CALN1: variants seen among roughly 807,000 people sequenced by gnomAD.
CALN1 encodes the protein calcium-binding protein 8.
In CALN1, 17 loss-of-function variants were observed where a neutral mutation model predicts 30.6. The ratio of observed to expected loss-of-function variants is 0.56; its 90% CI spans 0.38 to 0.83. The LOEUF (loss-of-function observed/expected upper bound fraction) is 0.83, where lower values mean the gene tolerates loss of function less well. CALN1 is among the 40% of genes least tolerant of loss of function. The probability of loss-of-function intolerance (pLI) is 0.00; values close to 1 mark genes in which losing one functional copy is unlikely to be tolerated. For missense variants in CALN1, 291 were observed against 354.9 expected (o/e 0.82, Z 1.45); for synonymous variants, 156 against 131.4 (o/e 1.19, Z -1.28).
At chr7:72,079,276 A>G (rs569410991) in intron 4 of CALN1, among the ~76,000 whole-genome samples, 1 of 152,316 alleles carries the variant, frequency 6.6e-6, no homozygotes, top group South Asian at 2.1e-4. Flanking sequence ...AAATGAGAAC[A>G]ATAAAAGAAC....
chr7:72,416,521 T>G (rs377190282), upstream of CALN1, among the ~76,000 whole-genome samples: 1 of 152,074 alleles, frequency 6.6e-6, no homozygotes. Context: ...ATCCACCTAA[T>G]GTCAGGTGTT....
the CALN1 span, among the ~76,000 whole-genome samples, chr7:72,493,830 C>T: frequency 3.2e-4 from 49 of 152,338 alleles, no homozygotes; most frequent in African/African-American, 1.1e-3. Context: ...TCTGTATCAA[C>T]AGCCACTAAA....
In CALN1 at chr7:72,397,710, T is replaced by TCACACACACACA. The variant is rs1286894513; in HGVS notation, c.119+5540_119+5541insTGTGTGTGTGTG. Among the ~76,000 whole-genome samples the TCACACACACACA allele has an allele frequency of 2.5e-3, 141 of 57,324 alleles. 1 individual carries two copies. Among genetic ancestry groups the TCACACACACACA allele is most frequent in the African/African-American group, 5.2e-3 (67 of 12,982 alleles). The allele number at this position is 57,324 out of a possible 152,430, so 37.6% of individuals were successfully genotyped here. A position where few individuals can be genotyped will look rare whatever the true frequency, so the allele number is the denominator to read the frequency against. ...GGGGGATCTTGGAGAGCACCCATTCTCTCTCACACACACACACACACACAC... is the reference window on the plus strand; with the variant it reads ...GGGGGATCTTGGAGAGCACCCATTCTCACACACACACACTCTCACACACACACACACACACAC... On this transcript the variant is annotated intron_variant, in intron 2 of 6. Coordinates refer to ENST00000395275, the MANE Select transcript of CALN1 (RefSeq NM_031468.4).
chr7:72,305,475 G>C (rs575278030), intron 2 of CALN1, among the ~76,000 whole-genome samples: 6 of 152,290 alleles, frequency 3.9e-5, no homozygotes, highest in Non-Finnish European at 7.4e-5. Flanking sequence ...CCCACGTAAA[G>C]TGGTCCTGCT....
intron 5 of CALN1, among the ~76,000 whole-genome samples, chr7:71,948,560 G>T (rs543936099): frequency 6.6e-6 from 1 of 151,818 alleles, no homozygotes; most frequent in Non-Finnish European, 1.5e-5. Flanking sequence ...TGAGATCCCC[G>T]TCTCTACTAA....
In CALN1 at chr7:71,787,698, T is replaced by G. The variant is rs2115828834; in HGVS notation, c.*77A>C. ...CCATAGTCCATAGGTCCGTGTCTGC[T>G]GTGTGGAGGAAGAGTCTGCCCGCAC... On this transcript the variant is annotated 3_prime_UTR_variant, in exon 7 of 7. Transcript: ENST00000395275. 2.5e-6 allele frequency: 4 copies of G among 1,578,152 alleles called. No homozygotes were observed. The highest frequency in any genetic ancestry group is 2.2e-4 in the Middle Eastern group (1 of 4,590).
At chr7:72,426,294 T>C (rs1271644665) in intron 1 of CALN1, among the ~76,000 whole-genome samples, 1 of 152,192 alleles carries the variant, frequency 6.6e-6, no homozygotes, top group Non-Finnish European at 1.5e-5. Flanking sequence ...CCAAATCTCA[T>C]CTTGAATTTT....
the CALN1 span, among the ~76,000 whole-genome samples, chr7:72,455,319 ATATGTGTG>A: frequency 4.5e-3 from 596 of 132,430 alleles, 4 homozygotes; most frequent in African/African-American, 0.017. Context: ...ATATATATAT[ATATGTGTG>A]TGTGTGTGTG....
chr7:72,064,691 C>G (rs1292191603), intron 4 of CALN1, among the ~76,000 whole-genome samples: 1 of 152,162 alleles, frequency 6.6e-6, no homozygotes, highest in African/African-American at 2.4e-5. Flanking sequence ...AGACTCCTAG[C>G]CTTCCAGATT....
intron 2 of CALN1, among the ~76,000 whole-genome samples, chr7:72,380,667 G>GTGGATGGA (rs142371252): frequency 1.7e-3 from 258 of 151,910 alleles, no homozygotes; most frequent in Non-Finnish European, 3.0e-3. Flanking sequence ...CAGTGGGTTG[G>GTGGATGGA]TGGATGGATG....
chr7:71,907,290 T>C (rs1291393101), intron 5 of CALN1, among the ~76,000 whole-genome samples: 1 of 149,254 alleles, frequency 6.7e-6, no homozygotes, highest in Non-Finnish European at 1.5e-5. Flanking sequence ...GCTTGATGTG[T>C]TCCATCGCAA....
chr7:71,836,867 C>T (rs1397022737), intron 5 of CALN1, among the ~76,000 whole-genome samples: 2 of 151,422 alleles, frequency 1.3e-5, no homozygotes, highest in African/African-American at 4.8e-5. Context: ...ATCTGCCCAC[C>T]TCGGCCTCCC....
intron 4 of CALN1, among the ~76,000 whole-genome samples, chr7:72,044,640 G>A (rs1802354784): frequency 1.7e-5 from 2 of 118,046 alleles, no homozygotes. Flanking sequence ...GAGGCAGAGT[G>A]TTGCTCTGTC....
At chr7:72,471,625 C>T in the CALN1 span, among the ~76,000 whole-genome samples, 7,692 of 152,318 alleles carry the variant, frequency 0.05, 237 homozygotes, top group African/African-American at 0.068. Context: ...GCCTCAATCA[C>T]ATGCCTGCCT....
intron 3 of CALN1, among the ~76,000 whole-genome samples, chr7:72,205,565 T>TACAC (rs1791794653): frequency 1.0e-4 from 12 of 116,734 alleles, no homozygotes; most frequent in African/African-American, 4.2e-4. Context: ...TATATATATA[T>TACAC]ATGTATATAT....
intron 1 of CALN1, among the ~76,000 whole-genome samples, chr7:72,433,152 G>A (rs1264513882): frequency 1.3e-5 from 2 of 152,106 alleles, no homozygotes; most frequent in Admixed American, 6.6e-5. Context: ...ACTACAAGGG[G>A]GAAAGGAACC....
intron 2 of CALN1, chr7:72,337,344 G>A (rs117153751): frequency 0.013 from 12,046 of 959,132 alleles, 88 homozygotes; most frequent in African/African-American, 0.026. Flanking sequence ...CCCAACCTCC[G>A]CCTCTCCAAT....
intron 4 of CALN1, among the ~76,000 whole-genome samples, chr7:72,048,546 A>G (rs1453210352): frequency 6.6e-6 from 1 of 152,174 alleles, no homozygotes; most frequent in Non-Finnish European, 1.5e-5. Context: ...TTACTTATAC[A>G]CTTAGACTTC....
intron 2 of CALN1, among the ~76,000 whole-genome samples, chr7:72,312,026 A>G (rs1360734561): frequency 6.6e-6 from 1 of 152,126 alleles, no homozygotes; most frequent in Non-Finnish European, 1.5e-5. Flanking sequence ...AGTAAGATCC[A>G]TGTCCCCAAA....
Sources: gnomAD v4.1 joint callset for allele counts (sites outside exome capture counted in the v4.1 genomes callset) on GRCh38, gnomAD v4.1.1 for gene constraint, MANE v1.5 for transcripts, NCBI Gene and HGNC (gene_info 2026-07-23, HGNC 2026-07-21) for gene names.